The following ST8SIA6 variants were observed in gnomAD, a reference collection of about 807,000 sequenced individuals.
The protein encoded by ST8SIA6 is ST8 alpha-N-acetyl-neuraminide alpha-2,8-sialyltransferase 6, also known as alpha-2,8-sialyltransferase 8F.
ST8SIA6 carries 39 observed loss-of-function variants against 33.6 expected under a neutral mutation model. The observed-to-expected ratio is 1.16, with a 90% CI of 0.90 to 1.52. ST8SIA6 has a LOEUF of 1.52. Among genes scored for constraint, ST8SIA6 ranks in the 40% most tolerant of loss-of-function variants. ST8SIA6 has a pLI of 0.00. For missense variants in ST8SIA6, 441 were observed against 443.8 expected (o/e 0.99, Z 0.06); for synonymous variants, 172 against 167.2 (o/e 1.03, Z -0.22).
intron 3 of ST8SIA6, among the ~76,000 whole-genome samples, chr10:17,370,514 G>C (rs1166541030): frequency 2.0e-5 from 3 of 151,890 alleles, no homozygotes; most frequent in African/African-American, 7.3e-5. Context: ...GTTGCTCTAA[G>C]GTTTACCATA....
chr10:17,406,983 G>T (rs1417882248), intron 2 of ST8SIA6, among the ~76,000 whole-genome samples: 1 of 151,966 alleles, frequency 6.6e-6, no homozygotes, highest in African/African-American at 2.4e-5. Flanking sequence ...AGTAGATATG[G>T]TGTTTCTCCA....
At chr10:17,360,909 AGAG>A (rs67738389) in intron 3 of ST8SIA6, among the ~76,000 whole-genome samples, 28,153 of 149,430 alleles carry the variant, frequency 0.19, 2,950 homozygotes, top group East Asian at 0.48. Context: ...AAGAAGAAGA[AGAG>A]GAAGAAGGGA....
intron 2 of ST8SIA6, among the ~76,000 whole-genome samples, chr10:17,434,550 T>C (rs1212971443): frequency 1.3e-5 from 2 of 152,178 alleles, no homozygotes; most frequent in Non-Finnish European, 2.9e-5. Context: ...TTGAGTGAGT[T>C]GGGATAGAAT....
chr10:17,422,581 G>A (rs1851812561), intron 2 of ST8SIA6, among the ~76,000 whole-genome samples: 2 of 152,288 alleles, frequency 1.3e-5, no homozygotes, highest in East Asian at 3.9e-4. Flanking sequence ...ACTGAACAGT[G>A]AGAATACATT....
At position 17,320,216 on chromosome 10, in the gene ST8SIA6, G is replaced by C. The variant is rs1291544928; in HGVS notation, c.*662C>G. 6.6e-6 allele frequency: 1 copy of C among 152,186 alleles called. No individual in the cohort carries two copies. The highest frequency in any genetic ancestry group is 1.9e-4 in the East Asian group (1 of 5,198). 9.4% of individuals were successfully genotyped at this position (152,186 alleles called of 1,614,324 possible). Reference sequence around the variant, plus strand: ...GAGAAAAAAGTGTAAGAATGAGGCAGGAAGTTAAAATAAAATTATTAAGTG... The same window carrying C: ...GAGAAAAAAGTGTAAGAATGAGGCACGAAGTTAAAATAAAATTATTAAGTG... On this transcript the variant is annotated 3_prime_UTR_variant, in exon 8 of 8. Coordinates refer to ENST00000377602, the MANE Select transcript of ST8SIA6 (RefSeq NM_001004470.3).
At chr10:17,417,337 A>G (rs969234536) in intron 2 of ST8SIA6, among the ~76,000 whole-genome samples, 10 of 152,118 alleles carry the variant, frequency 6.6e-5, no homozygotes, top group African/African-American at 1.9e-4. Context: ...GGAGGGGACA[A>G]CCATCCAAAC....
chr10:17,434,078 G>T (rs1852180020), intron 2 of ST8SIA6, among the ~76,000 whole-genome samples: 1 of 152,030 alleles, frequency 6.6e-6, no homozygotes, highest in Admixed American at 6.6e-5. Flanking sequence ...TCTCCCCTGG[G>T]CTACCCCCTC....
chr10:17,414,938 C>G (rs908321170), intron 2 of ST8SIA6, among the ~76,000 whole-genome samples: 2 of 152,072 alleles, frequency 1.3e-5, no homozygotes, highest in Non-Finnish European at 2.9e-5. Context: ...CATCAAAAAT[C>G]AGTAACCCCC....
chr10:17,403,327 T>C (rs1016002159), intron 2 of ST8SIA6, among the ~76,000 whole-genome samples: 1 of 152,118 alleles, frequency 6.6e-6, no homozygotes, highest in Non-Finnish European at 1.5e-5. Flanking sequence ...GAAAATAAAA[T>C]AGAAACAGAT....
chr10:17,353,434 G>A (rs1849095393), intron 4 of ST8SIA6, among the ~76,000 whole-genome samples: 1 of 152,098 alleles, frequency 6.6e-6, no homozygotes, highest in Non-Finnish European at 1.5e-5. Flanking sequence ...AACATAGGTG[G>A]TAGATATGCA....
At chr10:17,323,360 G>A (rs1184448956) in intron 6 of ST8SIA6, among the ~76,000 whole-genome samples, 1 of 131,920 alleles carries the variant, frequency 7.6e-6, no homozygotes, top group Non-Finnish European at 1.6e-5. Flanking sequence ...TCAGTTCTTA[G>A]TTGACATTTC....
At position 17,318,296 on chromosome 10, in the gene ST8SIA6, GCCTCTA is replaced by G. The variant is rs1232133203; in HGVS notation, c.*2576_*2581del. 2 of 207,146 alleles carry G rather than the reference GCCTCTA, an allele frequency of 9.7e-6. No homozygotes were observed. The highest frequency in any genetic ancestry group is 1.2e-4 in the East Asian group (1 of 8,062). 12.8% of individuals were successfully genotyped at this position (207,146 alleles called of 1,614,324 possible). A position where few individuals can be genotyped will look rare whatever the true frequency, so the allele number is the denominator to read the frequency against. ...AGTGGTAAGATCACAGCTCACTGCA[GCCTCTA>G]CCTCCTGGGCTCCAGTGAACCTCCC... On this transcript the variant is annotated 3_prime_UTR_variant, in exon 8 of 8. Transcript: ENST00000377602.
chr10:17,387,518 C>T (rs1850423453), intron 3 of ST8SIA6, among the ~76,000 whole-genome samples: 1 of 151,632 alleles, frequency 6.6e-6, no homozygotes, highest in Admixed American at 6.6e-5. Flanking sequence ...CTGCCCGCCT[C>T]AGCCTCCCAA....
intron 4 of ST8SIA6, among the ~76,000 whole-genome samples, chr10:17,351,027 C>G (rs1849013183): frequency 6.6e-6 from 1 of 152,104 alleles, no homozygotes; most frequent in Admixed American, 6.5e-5. Flanking sequence ...TACGAGACCT[C>G]AATAACTGGA....
At chr10:17,445,205 A>T (rs1852662614) in intron 2 of ST8SIA6, among the ~76,000 whole-genome samples, 1 of 152,216 alleles carries the variant, frequency 6.6e-6, no homozygotes, top group African/African-American at 2.4e-5. Context: ...GAACATATAC[A>T]ACAAAAAATG....
chr10:17,417,328 G>A (rs544029460), intron 2 of ST8SIA6, among the ~76,000 whole-genome samples: 1 of 152,164 alleles, frequency 6.6e-6, no homozygotes, highest in South Asian at 2.1e-4. Flanking sequence ...ATGAGATTTG[G>A]AGGGGACAAC....
At chr10:17,397,482 G>A (rs999676949) in intron 2 of ST8SIA6, among the ~76,000 whole-genome samples, 2 of 152,036 alleles carry the variant, frequency 1.3e-5, no homozygotes, top group African/African-American at 4.8e-5. Flanking sequence ...TGATCCGCCC[G>A]CCTCGGCCTC....
chr10:17,355,691 T>G (rs954780411), intron 4 of ST8SIA6, among the ~76,000 whole-genome samples: 2 of 152,240 alleles, frequency 1.3e-5, no homozygotes, highest in African/African-American at 4.8e-5. Context: ...CCTAAAACAG[T>G]AAATTCAATT....
chr10:17,365,116 A>G (rs950549296), intron 3 of ST8SIA6, among the ~76,000 whole-genome samples: 8 of 152,242 alleles, frequency 5.3e-5, no homozygotes, highest in African/African-American at 1.9e-4. Context: ...AAAATAAATC[A>G]CACTAAATAA....
Sources: gnomAD v4.1 joint callset for allele counts (sites outside exome capture counted in the v4.1 genomes callset) on GRCh38, gnomAD v4.1.1 for gene constraint, MANE v1.5 for transcripts, NCBI Gene and HGNC (gene_info 2026-07-23, HGNC 2026-07-21) for gene names.